Variants in CNTNAP5 observed in about 807,000 individuals in gnomAD.
CNTNAP5 encodes the protein contactin-associated protein-like 5.
Under a neutral mutation model 150.2 loss-of-function variants are expected in CNTNAP5, and 72 were observed. The ratio of observed to expected loss-of-function variants is 0.48; its 90% confidence interval spans 0.40 to 0.58. The LOEUF (loss-of-function observed/expected upper bound fraction) is 0.58, where lower values mean the gene tolerates loss of function less well. CNTNAP5 is among the 20% of genes least tolerant of loss of function. The pLI is 0.00. For synonymous variants in CNTNAP5, 672 were observed against 619.8 expected (o/e 1.08, Z -1.25); for missense variants, 1,636 against 1,626.2 (o/e 1.01, Z -0.10).
chr2:124,819,124 C>T (rs529148640), intron 19 of CNTNAP5, among the ~76,000 whole-genome samples: 225 of 152,170 alleles, frequency 1.5e-3, no homozygotes, highest in African/African-American at 5.1e-3. Context: ...TCTCTGCCTT[C>T]TACTTGGCTT....
chr2:124,804,156 C>T (rs951571762), intron 19 of CNTNAP5, among the ~76,000 whole-genome samples: 7 of 152,154 alleles, frequency 4.6e-5, no homozygotes, highest in African/African-American at 1.7e-4. Flanking sequence ...ATCTCTTGTA[C>T]TTTCATCATC....
chr2:124,347,228 T>A (rs1392747857), intron 3 of CNTNAP5, among the ~76,000 whole-genome samples: 1 of 152,232 alleles, frequency 6.6e-6, no homozygotes, highest in Non-Finnish European at 1.5e-5. Flanking sequence ...ATTAACTGCC[T>A]GGTCCTGAGG....
chr2:124,049,940 GTTTC>G (rs1408138388), intron 1 of CNTNAP5, among the ~76,000 whole-genome samples: 1 of 152,048 alleles, frequency 6.6e-6, no homozygotes, highest in African/African-American at 2.4e-5. Context: ...GCTCTCTGGG[GTTTC>G]TTTCTTAAGA....
At chr2:124,843,874 T>C (rs1285987256) in intron 19 of CNTNAP5, among the ~76,000 whole-genome samples, 1 of 152,102 alleles carries the variant, frequency 6.6e-6, no homozygotes, top group African/African-American at 2.4e-5. Context: ...TCATTGCTAA[T>C]TTGTTTGAGT....
chr2:124,838,417 A>G (rs1284417120), intron 19 of CNTNAP5, among the ~76,000 whole-genome samples: 3 of 152,116 alleles, frequency 2.0e-5, no homozygotes, highest in African/African-American at 7.2e-5. Context: ...CACAGGCTTA[A>G]GATTTGAACT....
intron 10 of CNTNAP5, among the ~76,000 whole-genome samples, chr2:124,530,200 C>T (rs938731146): frequency 6.6e-6 from 1 of 152,100 alleles, no homozygotes; most frequent in African/African-American, 2.4e-5. Flanking sequence ...ATCTCAGCTA[C>T]TTGGGAGGCT....
At chr2:124,811,677 C>T (rs1036773831) in intron 19 of CNTNAP5, among the ~76,000 whole-genome samples, 2 of 134,606 alleles carry the variant, frequency 1.5e-5, no homozygotes, top group African/African-American at 5.9e-5. Context: ...CGCGGTGGCT[C>T]ATGCCTGTAA....
chr2:124,176,713 G>A (rs1013823911), intron 1 of CNTNAP5, among the ~76,000 whole-genome samples: 1 of 152,086 alleles, frequency 6.6e-6, no homozygotes, highest in African/African-American at 2.4e-5. Context: ...AGCATTGTCT[G>A]TCTAGCTTCT....
intron 11 of CNTNAP5, among the ~76,000 whole-genome samples, chr2:124,599,470 T>C (rs1348554718): frequency 2.0e-5 from 3 of 152,208 alleles, no homozygotes; most frequent in Admixed American, 2.0e-4. Context: ...TTGCTGACAC[T>C]ATATTTAAAA....
intron 1 of CNTNAP5, among the ~76,000 whole-genome samples, chr2:124,157,199 G>A (rs916408716): frequency 6.6e-5 from 10 of 152,152 alleles, no homozygotes; most frequent in Admixed American, 3.3e-4. Context: ...CTGGTCACAT[G>A]TCTGTCTCCC....
At chr2:124,824,620 C>T (rs314704) in intron 19 of CNTNAP5, among the ~76,000 whole-genome samples, 131,727 of 152,158 alleles carry the variant, frequency 0.87, 57,509 homozygotes, top group African/African-American at 0.97. Context: ...TATCTTGTCC[C>T]AGCATGGTGA....
chr2:124,093,569 AT>A (rs1265677526), intron 1 of CNTNAP5, among the ~76,000 whole-genome samples: 2 of 152,158 alleles, frequency 1.3e-5, no homozygotes, highest in East Asian at 3.8e-4. Context: ...ATGGGATCTT[AT>A]TTTTTTAGGA....
At chr2:124,060,855 C>G (rs1187627705) in intron 1 of CNTNAP5, among the ~76,000 whole-genome samples, 1 of 152,140 alleles carries the variant, frequency 6.6e-6, no homozygotes, top group Non-Finnish European at 1.5e-5. Context: ...GGTGAACAAC[C>G]AAGTTAAACT....
In CNTNAP5 at chr2:124,486,318, G is replaced by A. The variant is rs77502210; in HGVS notation, c.1062+11436G>A. Among the ~76,000 whole-genome samples the A allele has an allele frequency of 3.8e-3, 575 of 152,274 alleles. 2 individuals are homozygous for A. Among genetic ancestry groups the A allele is most frequent in the African/African-American group, 0.013 (547 of 41,548 alleles). ...GACTTGTGGGGAGGGTGGCTGGAGG[G>A]TGAGGGATAAAAGACTACAAACTGT... On this transcript the variant is annotated intron_variant, in intron 7 of 23. Coordinates refer to ENST00000682447, the MANE Select transcript of CNTNAP5 (RefSeq NM_001367498.1).
At chr2:124,551,121 C>T (rs1267397513) in intron 10 of CNTNAP5, among the ~76,000 whole-genome samples, 2 of 151,998 alleles carry the variant, frequency 1.3e-5, no homozygotes, top group Non-Finnish European at 2.9e-5. Flanking sequence ...CATGTGTGCC[C>T]TTTGTGCCCG....
intron 1 of CNTNAP5, among the ~76,000 whole-genome samples, chr2:124,085,791 G>A (rs930418929): frequency 6.6e-6 from 1 of 152,138 alleles, no homozygotes; most frequent in Non-Finnish European, 1.5e-5. Flanking sequence ...TCGTTTTCAA[G>A]TGTTTGAAAA....
rs12989147 is a variant in CNTNAP5 at position 124,599,952 on chromosome 2, A to G, written c.1757-9849A>G. On this transcript the variant is annotated intron_variant, in intron 11 of 23. Transcript: ENST00000682447. The stretch of plus-strand genomic sequence containing the variant: ...GACGCTGAATAACTTGAGATTTAGA[A>G]CCATGTCTTTTTTTTTTGCATGTGA... Among the ~76,000 whole-genome samples, 446 of 151,792 alleles carry G rather than the reference A, an allele frequency of 2.9e-3. 2 individuals carry two copies. Among genetic ancestry groups the G allele is most frequent in the Non-Finnish European group, 4.6e-3 (310 of 67,968 alleles).
chr2:124,439,234 A>C (rs1158837016), intron 5 of CNTNAP5, among the ~76,000 whole-genome samples: 1 of 152,082 alleles, frequency 6.6e-6, no homozygotes, highest in Non-Finnish European at 1.5e-5. Flanking sequence ...AATGGGATAA[A>C]ATGCATCACA....
chr2:124,460,122 A>G (rs1693212271), intron 6 of CNTNAP5, among the ~76,000 whole-genome samples: 1 of 152,240 alleles, frequency 6.6e-6, no homozygotes, highest in Non-Finnish European at 1.5e-5. Context: ...ATCAAGGTGC[A>G]ATGCAGTGTA....
Sources: allele counts gnomAD v4.1 joint callset (sites outside exome capture counted in the v4.1 genomes callset), GRCh38; gene constraint gnomAD v4.1.1; transcripts MANE v1.5; gene names NCBI Gene and HGNC (gene_info 2026-07-23, HGNC 2026-07-21).